VAT1L: variants seen among roughly 807,000 people sequenced by gnomAD.
VAT1L encodes vesicle amine transport 1 like, also known as putative NADPH-dependent quinone oxidoreductase VAT1L.
In VAT1L, 34 loss-of-function variants were observed where a neutral mutation model predicts 44.1. The ratio of observed to expected loss-of-function variants is 0.77; its 90% CI spans 0.59 to 1.03. The LOEUF is 1.03. Among genes scored for constraint, VAT1L ranks in the 50% least tolerant of loss-of-function variants. The probability of loss-of-function intolerance (pLI) is 0.00; values close to 1 mark genes in which losing one functional copy is unlikely to be tolerated. For synonymous variants in VAT1L, 253 were observed against 202.2 expected, an observed-to-expected ratio of 1.25 and a Z score of -2.13; for missense variants, 615 against 538.8, an observed-to-expected ratio of 1.14 and a Z score of -1.40.
At chr16:77,877,716 C>T (rs960885762) in intron 5 of VAT1L, among the ~76,000 whole-genome samples, 75 of 152,176 alleles carry the variant, frequency 4.9e-4, no homozygotes, top group African/African-American at 1.6e-3. Context: ...ACACTTATTT[C>T]CCTGCTATTT....
chr16:77,954,551 G>C (rs2018080860), intron 7 of VAT1L, among the ~76,000 whole-genome samples: 1 of 152,136 alleles, frequency 6.6e-6, no homozygotes, highest in South Asian at 2.1e-4. Context: ...CTTGAACCCG[G>C]GAGGCAGAGG....
At chr16:77,927,704 C>G (rs865892081) in intron 7 of VAT1L, among the ~76,000 whole-genome samples, 4 of 151,902 alleles carry the variant, frequency 2.6e-5, no homozygotes, top group African/African-American at 7.3e-5. Flanking sequence ...AGTGAAACCC[C>G]GTCTCTACTA....
rs1011799326 is a variant in VAT1L, at chr16:77,953,563, A to G, written c.1078-18287A>G. Among the ~76,000 whole-genome samples the G allele has an allele frequency of 2.0e-5, 3 of 152,124 alleles. No homozygotes were observed. The East Asian group carries it at 5.8e-4, about 29-fold the overall frequency. ...TTGGTTTTATTTTGTTTTTTTGATA[A>G]AGGGTCTCACTCTGTCACCCAGGCT... On this transcript the variant is annotated intron_variant, in intron 7 of 8. Coordinates refer to ENST00000302536, the MANE Select transcript of VAT1L (RefSeq NM_020927.3).
rs957702150 is a variant in VAT1L at position 77,977,709 on chromosome 16, T to C, written c.*14T>C. 8 of 1,611,610 alleles carry C rather than the reference T, an allele frequency of 5.0e-6. No homozygotes were observed. The highest frequency in any genetic ancestry group is 6.8e-6 in the Non-Finnish European group (8 of 1,178,774). On this transcript the variant is annotated 3_prime_UTR_variant, in exon 9 of 9. Transcript: ENST00000302536. ...TTTATCCAGTAACTGAGGACCCAGGTGGGAGAATGTGAAGGATGGTTTGGA... is the reference window on the plus strand; with the variant it reads ...TTTATCCAGTAACTGAGGACCCAGGCGGGAGAATGTGAAGGATGGTTTGGA...
At chr16:77,934,296 A>G (rs1381175763) in intron 7 of VAT1L, among the ~76,000 whole-genome samples, 1 of 152,100 alleles carries the variant, frequency 6.6e-6, no homozygotes, top group Non-Finnish European at 1.5e-5. Context: ...TTTGGTAGAC[A>G]GAATGATGCT....
chr16:77,939,459 A>C (rs4362400), intron 7 of VAT1L, among the ~76,000 whole-genome samples: 1 of 152,002 alleles, frequency 6.6e-6, no homozygotes, highest in Non-Finnish European at 1.5e-5. Context: ...AAGTGCCACA[A>C]ATCAGGGCTC....
At chr16:77,903,927 A>G (rs2017411758) in intron 7 of VAT1L, among the ~76,000 whole-genome samples, 1 of 151,748 alleles carries the variant, frequency 6.6e-6, no homozygotes, top group Non-Finnish European at 1.5e-5. Flanking sequence ...TAGTAAAGAC[A>G]GGGTTTCACC....
At chr16:77,963,847 G>T (rs1304614194) in intron 7 of VAT1L, among the ~76,000 whole-genome samples, 3 of 152,180 alleles carry the variant, frequency 2.0e-5, no homozygotes, top group Non-Finnish European at 4.4e-5. Context: ...GCACAGAAAT[G>T]ATTTGAAGCA....
At chr16:77,864,017 G>A (rs1426897699) in intron 4 of VAT1L, among the ~76,000 whole-genome samples, 1 of 152,188 alleles carries the variant, frequency 6.6e-6, no homozygotes, top group Admixed American at 6.5e-5. Context: ...TCACCTGGGG[G>A]AATGATGGTT....
intron 7 of VAT1L, among the ~76,000 whole-genome samples, chr16:77,958,819 TCTC>T (rs2018132094): frequency 6.6e-6 from 1 of 152,142 alleles, no homozygotes; most frequent in African/African-American, 2.4e-5. Flanking sequence ...TTTCTCTTCT[TCTC>T]CTTCGAAGAA....
chr16:77,905,163 T>C (rs1265189772), intron 7 of VAT1L, among the ~76,000 whole-genome samples: 1 of 152,224 alleles, frequency 6.6e-6, no homozygotes, highest in Non-Finnish European at 1.5e-5. Flanking sequence ...TGTATGTCTC[T>C]TGTTGGCAAC....
chr16:77,856,143 C>A (rs2016856447), intron 3 of VAT1L, among the ~76,000 whole-genome samples: 1 of 152,072 alleles, frequency 6.6e-6, no homozygotes, highest in South Asian at 2.1e-4. Flanking sequence ...AAAGAGGATT[C>A]CAAGCAGTGG....
At chr16:77,903,020 A>T (rs1423491885) in intron 7 of VAT1L, among the ~76,000 whole-genome samples, 1 of 152,004 alleles carries the variant, frequency 6.6e-6, no homozygotes, top group African/African-American at 2.4e-5. Context: ...AGGAATAAAA[A>T]GATTATACCT....
intron 7 of VAT1L, among the ~76,000 whole-genome samples, chr16:77,960,936 C>T (rs756512547): frequency 2.0e-5 from 3 of 152,104 alleles, no homozygotes; most frequent in Non-Finnish European, 4.4e-5. Flanking sequence ...TGAACACCAG[C>T]CAACTTCATT....
At chr16:77,804,180 A>T (rs1242741475) in intron 1 of VAT1L, among the ~76,000 whole-genome samples, 2 of 152,222 alleles carry the variant, frequency 1.3e-5, no homozygotes, top group African/African-American at 2.4e-5. Context: ...GCAACCAGTC[A>T]CTGCCGAACA....
chr16:77,825,332 G>A lies in VAT1L; in HGVS notation c.450G>A (p.Pro150=), dbSNP rs369885557. Residue 150 remains proline, a synonymous_variant, in exon 3 of 9, where the codon CCG becomes CCA. Transcript: ENST00000302536. ...CAGTGGAGTTTGTCTACAAGATCCC[G>A]GATGACATGAGCTTCTCCGAGGCTG... ...CTPVEFVYKI[P]DDMSFSEAAA... 1.2e-5 allele frequency: 19 copies of A among 1,614,042 alleles called. No individual in the cohort carries two copies. The highest frequency in any genetic ancestry group is 1.6e-5 in the Non-Finnish European group (19 of 1,180,046).
At position 77,964,779 on chromosome 16, in the gene VAT1L, C is replaced by CTTTTTTTTT. The variant is rs10566511; in HGVS notation, c.1078-7047_1078-7039dup. Among the ~76,000 whole-genome samples the CTTTTTTTTT allele has an allele frequency of 4.9e-3, 449 of 91,824 alleles. 12 individuals are homozygous for CTTTTTTTTT. Among genetic ancestry groups the CTTTTTTTTT allele is most frequent in the Non-Finnish European group, 5.9e-3 (315 of 53,224 alleles). 60.2% of individuals were successfully genotyped at this position (91,824 alleles called of 152,430 possible). A position where few individuals can be genotyped will look rare whatever the true frequency, so the allele number is the denominator to read the frequency against. Reference sequence around the variant, plus strand: ...AACACTGCTCACGCCCTTTGTAGCACTTTTTTTTTTTTTTTTTTTTTTTTT... The same window carrying CTTTTTTTTT: ...AACACTGCTCACGCCCTTTGTAGCACTTTTTTTTTTTTTTTTTTTTTTTTTTTTTTTTTT... On this transcript the variant is annotated intron_variant, in intron 7 of 8. Coordinates refer to ENST00000302536, the MANE Select transcript of VAT1L (RefSeq NM_020927.3).
chr16:77,915,840 T>G (rs559738873), intron 7 of VAT1L, among the ~76,000 whole-genome samples: 1 of 152,210 alleles, frequency 6.6e-6, no homozygotes, highest in African/African-American at 2.4e-5. Context: ...CAGAACACAC[T>G]GGTGGAAGAG....
intron 7 of VAT1L, among the ~76,000 whole-genome samples, chr16:77,962,233 G>A (rs1407036172): frequency 1.3e-5 from 2 of 152,164 alleles, no homozygotes; most frequent in Non-Finnish European, 2.9e-5. Context: ...ACACCACCAG[G>A]AGGGGTCCTG....
Sources: gnomAD v4.1 joint callset for allele counts (sites outside exome capture counted in the v4.1 genomes callset) on GRCh38, gnomAD v4.1.1 for gene constraint, MANE v1.5 for transcripts, NCBI Gene and HGNC (gene_info 2026-07-23, HGNC 2026-07-21) for gene names.